The following TAOK3 variants were observed in gnomAD, a reference collection of about 807,000 sequenced individuals.
TAOK3 encodes serine/threonine-protein kinase TAO3.
TAOK3 carries 40 observed loss-of-function variants against 120.4 expected under a neutral mutation model. The ratio of observed to expected loss-of-function variants is 0.33; its 90% CI spans 0.26 to 0.43. The LOEUF is 0.43. TAOK3 is among the 20% of genes least tolerant of loss of function. TAOK3 has a pLI of 1.00. For missense variants in TAOK3, 821 were observed against 1,112.1 expected (o/e 0.74, Z 3.72); for synonymous variants, 355 against 387.5 (o/e 0.92, Z 0.99).
At chr12:118,175,000 C>A (rs1031694102) in intron 16 of TAOK3, among the ~76,000 whole-genome samples, 3 of 152,086 alleles carry the variant, frequency 2.0e-5, no homozygotes, top group African/African-American at 7.2e-5. Context: ...CTCAAAATTT[C>A]TTAGGCTATC....
At chr12:118,246,215 G>C (rs944902144) in intron 3 of TAOK3, 11 of 1,454,824 alleles carry the variant, frequency 7.6e-6, no homozygotes, top group Non-Finnish European at 8.5e-6. Flanking sequence ...GACGGGGCCG[G>C]GGCCGAGGCC....
At chr12:118,183,350 G>A (rs1198989593) in intron 14 of TAOK3, among the ~76,000 whole-genome samples, 1 of 152,060 alleles carries the variant, frequency 6.6e-6, no homozygotes, top group Non-Finnish European at 1.5e-5. Flanking sequence ...TTAAACATTA[G>A]CCAAACTTTG....
chr12:118,362,730 A>C (rs2141305912), intron 1 of TAOK3, among the ~76,000 whole-genome samples: 1 of 152,218 alleles, frequency 6.6e-6, no homozygotes, highest in South Asian at 2.1e-4. Context: ...GAGAAAGGAA[A>C]ACAGGCCAGG....
chr12:118,201,582 C>G, intron 11 of TAOK3, 119 bp from the exon 12 acceptor site: 1 of 843,066 alleles, frequency 1.2e-6, no homozygotes, highest in South Asian at 4.0e-5. Context: ...ACAGAAATAA[C>G]AAAATATGAT....
At chr12:118,334,163 A>G (rs1305178884) in intron 1 of TAOK3, among the ~76,000 whole-genome samples, 1 of 151,910 alleles carries the variant, frequency 6.6e-6, no homozygotes, top group Non-Finnish European at 1.5e-5. Flanking sequence ...AAAAGAAAAA[A>G]GAAATAATGA....
At chr12:118,350,268 G>A (rs536996193) in intron 1 of TAOK3, among the ~76,000 whole-genome samples, 1 of 152,164 alleles carries the variant, frequency 6.6e-6, no homozygotes, top group South Asian at 2.1e-4. Context: ...ACAATGAGGG[G>A]TACATGGCCC....
chr12:118,221,478 C>T (rs1163015529), intron 9 of TAOK3, among the ~76,000 whole-genome samples: 3 of 152,090 alleles, frequency 2.0e-5, no homozygotes, highest in South Asian at 2.1e-4. Context: ...CCACCTGCCT[C>T]GGCCTCCCAA....
chr12:118,214,236 T>A, intron 9 of TAOK3, 126 bp from the exon 10 acceptor site: 1 of 690,018 alleles, frequency 1.4e-6, no homozygotes, highest in Non-Finnish European at 2.4e-6. Context: ...TGCCACATAA[T>A]CCACTTATTT....
intron 12 of TAOK3, chr12:118,200,470 TTAACA>T (rs1327491998): frequency 2.6e-5 from 4 of 152,178 alleles, no homozygotes; most frequent in Non-Finnish European, 5.9e-5. Context: ...TTTCTGAATC[TTAACA>T]TAATTATTTT....
At chr12:118,352,022 C>T (rs1393583394) in intron 1 of TAOK3, among the ~76,000 whole-genome samples, 1 of 151,340 alleles carries the variant, frequency 6.6e-6, no homozygotes, top group South Asian at 2.1e-4. Context: ...TACAGGCACC[C>T]GCCACCGCGC....
intron 1 of TAOK3, among the ~76,000 whole-genome samples, chr12:118,318,775 T>C (rs1433381241): frequency 6.6e-6 from 1 of 152,216 alleles, no homozygotes; most frequent in Non-Finnish European, 1.5e-5. Context: ...AGATATGTAC[T>C]TTTCATGTTC....
intron 3 of TAOK3, among the ~76,000 whole-genome samples, chr12:118,245,417 A>G (rs1184014304): frequency 6.6e-6 from 1 of 152,062 alleles, no homozygotes; most frequent in Non-Finnish European, 1.5e-5. Flanking sequence ...CCCGGGTTCA[A>G]GCTATTCTCC....
At chr12:118,303,200 C>T (rs1166211624) in intron 1 of TAOK3, among the ~76,000 whole-genome samples, 1 of 152,152 alleles carries the variant, frequency 6.6e-6, no homozygotes, top group Non-Finnish European at 1.5e-5. Flanking sequence ...CCTATTTACT[C>T]TTCTTAAAAT....
intron 9 of TAOK3, among the ~76,000 whole-genome samples, chr12:118,228,634 T>C (rs1475508923): frequency 6.6e-6 from 1 of 152,228 alleles, no homozygotes. Context: ...CAGTATTCCA[T>C]AATTTATACA....
chr12:118,233,264 A>C, intron 9 of TAOK3, among the ~76,000 whole-genome samples: 1 of 63,880 alleles, frequency 1.6e-5, no homozygotes, highest in South Asian at 7.1e-4. Context: ...GGGTGGGGGG[A>C]GGGGGGAGGG....
At chr12:118,313,939 G>A (rs1021794465) in intron 1 of TAOK3, among the ~76,000 whole-genome samples, 1 of 152,080 alleles carries the variant, frequency 6.6e-6, no homozygotes, top group Admixed American at 6.6e-5. Flanking sequence ...TCCTTGCCAT[G>A]CCTCTAATCC....
At chr12:118,231,933 A>AC (rs2039803087) in intron 9 of TAOK3, among the ~76,000 whole-genome samples, 1 of 151,942 alleles carries the variant, frequency 6.6e-6, no homozygotes, top group African/African-American at 2.4e-5. Context: ...AAAAAAAAAA[A>AC]GAAAAAAAGA....
intron 3 of TAOK3, among the ~76,000 whole-genome samples, chr12:118,250,265 A>G (rs80100746): frequency 0.033 from 4,951 of 152,152 alleles, 281 homozygotes; most frequent in East Asian, 0.25. Context: ...CCAACCAATG[A>G]TGCAAATTTC....
At chr12:118,322,352 C>T (rs1212559934) in intron 1 of TAOK3, among the ~76,000 whole-genome samples, 1 of 150,284 alleles carries the variant, frequency 6.7e-6, no homozygotes, top group Non-Finnish European at 1.5e-5. Flanking sequence ...AAAGACACTG[C>T]GTTTGTTCTT....
Sources: allele counts gnomAD v4.1 joint callset (sites outside exome capture counted in the v4.1 genomes callset), GRCh38; gene constraint gnomAD v4.1.1; transcripts MANE v1.5; gene names NCBI Gene and HGNC (gene_info 2026-07-23, HGNC 2026-07-21).